The following PTPRG variants were observed in gnomAD, a reference collection of about 807,000 sequenced individuals.
The protein encoded by PTPRG is receptor-type tyrosine-protein phosphatase gamma.
PTPRG carries 102 observed loss-of-function variants against 165.3 expected under a neutral mutation model. The ratio of observed to expected loss-of-function variants is 0.62; its 90% CI spans 0.53 to 0.73. The LOEUF is 0.73. PTPRG is among the 30% of genes least tolerant of loss of function. The pLI, the probability that PTPRG is intolerant of heterozygous loss-of-function variation, is 0.00. For synonymous variants in PTPRG, 675 were observed against 669.5 expected, an observed-to-expected ratio of 1.01 and a Z score of -0.13; for missense variants, 1,866 against 1,861.4, an observed-to-expected ratio of 1.00 and a Z score of -0.05.
chr3:61,850,335 T>G (rs530448825), intron 2 of PTPRG, among the ~76,000 whole-genome samples: 8 of 152,098 alleles, frequency 5.3e-5, no homozygotes, highest in Non-Finnish European at 1.2e-4. Flanking sequence ...AGCTGATTTT[T>G]GTATTTTTTA....
chr3:61,595,163 C>T (rs948821992), intron 1 of PTPRG, among the ~76,000 whole-genome samples: 5 of 151,640 alleles, frequency 3.3e-5, no homozygotes, highest in African/African-American at 7.3e-5. Flanking sequence ...TTCCCCTGGA[C>T]GAAACCGAAC....
intron 1 of PTPRG, among the ~76,000 whole-genome samples, chr3:61,646,076 T>C (rs755109699): frequency 2.2e-4 from 33 of 152,100 alleles, no homozygotes; most frequent in Non-Finnish European, 4.4e-4. Flanking sequence ...GGATAAAATA[T>C]GGTTTGTTTT....
intron 2 of PTPRG, among the ~76,000 whole-genome samples, chr3:61,936,533 C>A (rs1311909896): frequency 1.6e-4 from 24 of 152,162 alleles, no homozygotes; most frequent in Non-Finnish European, 3.5e-4. Flanking sequence ...CCCCTACCCG[C>A]CCCCTACTGG....
chr3:62,292,327 T>C, intron 28 of PTPRG, 94 bp from the exon 29 acceptor site: 1 of 1,351,674 alleles, frequency 7.4e-7, no homozygotes, highest in Non-Finnish European at 1.0e-6. Context: ...AACAGTCTAC[T>C]TAGTTTCTAT....
chr3:61,885,420 C>G (rs1209905449), intron 2 of PTPRG, among the ~76,000 whole-genome samples: 2 of 150,714 alleles, frequency 1.3e-5, no homozygotes, highest in Admixed American at 6.6e-5. Flanking sequence ...TTTTTAATTT[C>G]TTTTCCTATT....
intron 16 of PTPRG, among the ~76,000 whole-genome samples, chr3:62,261,592 G>A (rs1701699644): frequency 6.8e-6 from 1 of 146,680 alleles, no homozygotes; most frequent in Non-Finnish European, 1.5e-5. Context: ...AATGCCTGTG[G>A]GGCTTTTTTT....
intron 1 of PTPRG, among the ~76,000 whole-genome samples, chr3:61,591,156 A>T (rs1230765478): frequency 6.6e-6 from 1 of 152,242 alleles, no homozygotes; most frequent in South Asian, 2.1e-4. Context: ...TTCACAGAAA[A>T]CAGTCTTTAT....
intron 1 of PTPRG, among the ~76,000 whole-genome samples, chr3:61,623,865 G>A (rs1701533723): frequency 6.6e-6 from 1 of 152,164 alleles, no homozygotes; most frequent in African/African-American, 2.4e-5. Context: ...GAGGAGACAG[G>A]AGCAGGCAGC....
chr3:61,636,571 C>T (rs1259435506), intron 1 of PTPRG, among the ~76,000 whole-genome samples: 2 of 152,200 alleles, frequency 1.3e-5, no homozygotes, highest in Admixed American at 6.5e-5. Flanking sequence ...ATCTGCCTGC[C>T]TTGGCTTCCC....
chr3:61,662,193 T>C (rs1238506591), intron 1 of PTPRG, among the ~76,000 whole-genome samples: 8 of 152,230 alleles, frequency 5.3e-5, no homozygotes, highest in African/African-American at 1.9e-4. Context: ...TGTCCTCCTA[T>C]TGACTATGAG....
intron 1 of PTPRG, among the ~76,000 whole-genome samples, chr3:61,627,135 C>T (rs1404469590): frequency 6.6e-6 from 1 of 151,678 alleles, no homozygotes; most frequent in African/African-American, 2.4e-5. Flanking sequence ...AATTTGAGTA[C>T]TGGATGTTAC....
At chr3:61,653,791 A>G (rs1350769846) in intron 1 of PTPRG, among the ~76,000 whole-genome samples, 1 of 150,926 alleles carries the variant, frequency 6.6e-6, no homozygotes, top group Non-Finnish European at 1.5e-5. Context: ...CTCGCCTGTG[A>G]GATTAGAATT....
At chr3:62,170,013 G>A (rs369004516) in intron 8 of PTPRG, among the ~76,000 whole-genome samples, 2 of 152,168 alleles carry the variant, frequency 1.3e-5, no homozygotes, top group South Asian at 2.1e-4. Flanking sequence ...GTTTAAGAAT[G>A]TGATCATTTC....
Position 62,141,685 on chromosome 3 carries a change from A to T in PTPRG, c.682+9017A>T, listed in dbSNP as rs577807395. ...GGGGACGAGGCTGGTGGATCCCTTC[A>T]GGTCAGGAGTTCGAGACCAGCCTGG... On this transcript the variant is annotated intron_variant, in intron 6 of 29. Coordinates refer to ENST00000474889, the MANE Select transcript of PTPRG (RefSeq NM_002841.4). 1.3e-4 allele frequency among the ~76,000 whole-genome samples: 19 copies of T among 151,932 alleles called. No homozygotes were observed. In the South Asian group the frequency reaches 4.0e-3, roughly 32 times the overall value.
In PTPRG at chr3:62,199,511, C is replaced by T. The variant is rs148504394; in HGVS notation, c.1328-1994C>T. Among the ~76,000 whole-genome samples the T allele has an allele frequency of 8.3e-3, 1,257 of 152,268 alleles. 9 individuals are homozygous for T. Among genetic ancestry groups the T allele is most frequent in the Middle Eastern group, 0.027 (8 of 294 alleles). ...TAGTTTTGCCAATATCGTGAGTTTTCAGATAAGCAAGAGATTGAGAGCTTT... is the reference window on the plus strand; with the variant it reads ...TAGTTTTGCCAATATCGTGAGTTTTTAGATAAGCAAGAGATTGAGAGCTTT... On this transcript the variant is annotated intron_variant, in intron 10 of 29. Coordinates refer to ENST00000474889, the MANE Select transcript of PTPRG (RefSeq NM_002841.4).
chr3:61,677,898 C>A (rs4688266), intron 1 of PTPRG, among the ~76,000 whole-genome samples: 2 of 152,014 alleles, frequency 1.3e-5, no homozygotes, highest in Admixed American at 1.3e-4. Context: ...GTGACTGGTA[C>A]AGTTTCAAAA....
chr3:61,961,945 C>G (rs188340369), intron 2 of PTPRG, among the ~76,000 whole-genome samples: 1 of 152,192 alleles, frequency 6.6e-6, no homozygotes, highest in East Asian at 1.9e-4. Context: ...TCTGCACTCC[C>G]CAGTTACAGT....
chr3:62,223,469 A>G (rs1042142778), intron 13 of PTPRG, among the ~76,000 whole-genome samples: 1 of 152,158 alleles, frequency 6.6e-6, no homozygotes, highest in African/African-American at 2.4e-5. Context: ...CATTCGTGGT[A>G]TTAAAATTGG....
At chr3:62,292,803 T>C (rs759887542) in intron 29 of PTPRG, 21 of 498,184 alleles carry the variant, frequency 4.2e-5, no homozygotes, top group Non-Finnish European at 7.3e-5. Context: ...TGGCCCAAAA[T>C]GTCAGTAGTG....
Sources: gnomAD v4.1 joint callset for allele counts (sites outside exome capture counted in the v4.1 genomes callset) on GRCh38, gnomAD v4.1.1 for gene constraint, MANE v1.5 for transcripts, NCBI Gene and HGNC (gene_info 2026-07-23, HGNC 2026-07-21) for gene names.